The following PITPNM3 variants were observed in gnomAD, a reference collection of about 807,000 sequenced individuals.
The protein encoded by PITPNM3 is PITPNM family member 3, also known as membrane-associated phosphatidylinositol transfer protein 3.
Under a neutral mutation model 102.0 loss-of-function variants are expected in PITPNM3, and 26 were observed. That is an observed-to-expected ratio of 0.25 (90% CI 0.19 to 0.35). PITPNM3 has a LOEUF of 0.35. Among genes scored for constraint, PITPNM3 ranks in the 10% least tolerant of loss-of-function variants. The pLI is 1.00. For synonymous variants in PITPNM3, 578 were observed against 558.6 expected, an observed-to-expected ratio of 1.03 and a Z score of -0.49; for missense variants, 1,083 against 1,346.1, an observed-to-expected ratio of 0.80 and a Z score of 3.06.
At position 6,457,748 on chromosome 17, in the gene PITPNM3, G is replaced by A; in HGVS notation, c.2491-26C>T. ...CTGAAACACAGGGCAGGCATAGGGG[G>A]AGAGTGAGGCCAGCCCACCCCCTGG... On this transcript the variant is annotated intron_variant, in intron 18 of 19. Transcript: ENST00000262483. This position sits in a 1 kb window ranked among gnomAD's most constrained non-coding sequence, Gnocchi z 4.7. 6.4e-7 allele frequency: 1 copy of A among 1,564,666 alleles called. No homozygotes were observed. Among genetic ancestry groups the A allele is most frequent in the Non-Finnish European group, 8.7e-7 (1 of 1,154,262 alleles).
chr17:6,498,674 G>T (rs555624943), intron 4 of PITPNM3, among the ~76,000 whole-genome samples: 2 of 152,178 alleles, frequency 1.3e-5, no homozygotes, highest in Non-Finnish European at 2.9e-5. Flanking sequence ...TCATAGCACT[G>T]CTGGAGGTTG....
chr17:6,466,274 A>G (rs750975402), intron 14 of PITPNM3, among the ~76,000 whole-genome samples: 1 of 151,988 alleles, frequency 6.6e-6, no homozygotes, highest in Non-Finnish European at 1.5e-5. Context: ...CACTCCTCGG[A>G]CTCCTCAAAG....
intron 10 of PITPNM3, among the ~76,000 whole-genome samples, chr17:6,473,585 T>C (rs1269460493): frequency 6.6e-6 from 1 of 152,210 alleles, no homozygotes; most frequent in Admixed American, 6.5e-5. Context: ...TCTGTACTTC[T>C]GTCCTTAAGA....
chr17:6,457,581 C>G lies in PITPNM3; in HGVS notation c.2619+13G>C. 2 of 1,613,648 alleles carry G rather than the reference C, an allele frequency of 1.2e-6. No individual in the cohort carries two copies. The highest frequency in any genetic ancestry group is 1.7e-6 in the Non-Finnish European group (2 of 1,179,862). On this transcript the variant is annotated intron_variant, in intron 19 of 19. Transcript: ENST00000262483. The surrounding 1 kb of genome is among the most constrained non-coding windows in gnomAD (Gnocchi z 4.7). ...CCTCACAACTCCCCGCCTCCAGCCC[C>G]GCCTCCACCCACCTGGCACTGGGTT...
chr17:6,455,208 G>T lies in PITPNM3; in HGVS notation c.*130C>A, dbSNP rs1914032397. On this transcript the variant is annotated 3_prime_UTR_variant, in exon 20 of 20. Coordinates refer to ENST00000262483, the MANE Select transcript of PITPNM3 (RefSeq NM_031220.4). Reference sequence around the variant, plus strand: ...GCAGGATCCCTCCCCGCTCTGGTCGGACACTGCTGGACAGACACGGGAGGG... The same window carrying T: ...GCAGGATCCCTCCCCGCTCTGGTCGTACACTGCTGGACAGACACGGGAGGG... 1 of 1,230,758 alleles carries T rather than the reference G, an allele frequency of 8.1e-7. No homozygotes were observed. The highest frequency in any genetic ancestry group is 1.1e-6 in the Non-Finnish European group (1 of 915,820). The allele number at this position is 1,230,758 out of a possible 1,614,324, so 76.2% of individuals were successfully genotyped here.
Position 6,468,176 on chromosome 17 carries a change from C to T in PITPNM3, c.1890+49G>A. 6.3e-7 allele frequency: 1 copy of T among 1,580,586 alleles called. No individual in the cohort carries two copies. The stretch of plus-strand genomic sequence containing the variant: ...GCCCCAGCCCCCGGGCCAGCCCCAC[C>T]TCCCGGAGGACACAGTCCCAGCCAC... On this transcript the variant is annotated intron_variant, in intron 14 of 19. Coordinates refer to ENST00000262483, the MANE Select transcript of PITPNM3 (RefSeq NM_031220.4). The surrounding 1 kb of genome is among the most constrained non-coding windows in gnomAD (Gnocchi z 5.2).
intron 3 of PITPNM3, among the ~76,000 whole-genome samples, chr17:6,524,348 G>A (rs998158706): frequency 5.3e-5 from 8 of 152,186 alleles, no homozygotes; most frequent in Non-Finnish European, 1.2e-4. Context: ...GGGTGGGGAA[G>A]GAGGGATGGA....
At chr17:6,505,796 A>C (rs1217895840) in intron 3 of PITPNM3, among the ~76,000 whole-genome samples, 2 of 152,250 alleles carry the variant, frequency 1.3e-5, no homozygotes, top group Non-Finnish European at 2.9e-5. Context: ...TGAGGAAGTC[A>C]GAGTGAGTGA....
At chr17:6,518,872 G>A (rs190567742) in intron 3 of PITPNM3, among the ~76,000 whole-genome samples, 90 of 152,292 alleles carry the variant, frequency 5.9e-4, no homozygotes, top group African/African-American at 2.1e-3. Context: ...CCTAGGGCGA[G>A]GGCCATGTTT....
intron 9 of PITPNM3, 105 bp from the exon 10 acceptor site, chr17:6,474,709 A>C: frequency 7.4e-7 from 1 of 1,351,676 alleles, no homozygotes; most frequent in Non-Finnish European, 1.0e-6. Flanking sequence ...GAAGTGCCCA[A>C]CCCTCCATCT....
intron 2 of PITPNM3, among the ~76,000 whole-genome samples, chr17:6,529,290 AG>A (rs915627768): frequency 6.6e-6 from 1 of 152,130 alleles, no homozygotes; most frequent in African/African-American, 2.4e-5. Flanking sequence ...ACAGGACTCC[AG>A]AGTAAAGAAT....
intron 6 of PITPNM3, among the ~76,000 whole-genome samples, chr17:6,482,216 G>T (rs1001132304): frequency 1.8e-4 from 27 of 152,060 alleles, no homozygotes; most frequent in African/African-American, 6.5e-4. Flanking sequence ...ATGCTGCAGA[G>T]GCCAAGAAGA....
chr17:6,554,432 T>C (rs964839332), intron 1 of PITPNM3, among the ~76,000 whole-genome samples: 2 of 150,106 alleles, frequency 1.3e-5, no homozygotes, highest in Non-Finnish European at 3.0e-5. Context: ...GACTGCTGAG[T>C]GTGGGGGGCA....
chr17:6,479,764 A>G (rs1905550491), intron 6 of PITPNM3: 1 of 152,246 alleles, frequency 6.6e-6, no homozygotes, highest in Non-Finnish European at 1.5e-5. Context: ...TCTCCAAAGA[A>G]CACAAATTAG....
intron 11 of PITPNM3, among the ~76,000 whole-genome samples, chr17:6,471,602 G>A (rs1394838404): frequency 1.3e-5 from 2 of 152,192 alleles, no homozygotes; most frequent in African/African-American, 2.4e-5. Context: ...GAGTTATGCA[G>A]ACACAAGCTG....
At chr17:6,531,711 A>C (rs1909155536) in intron 2 of PITPNM3, among the ~76,000 whole-genome samples, 2 of 152,178 alleles carry the variant, frequency 1.3e-5, no homozygotes, top group Admixed American at 6.5e-5. Context: ...TACTGGGTCT[A>C]GTCTGCCCCC....
At chr17:6,477,265 C>CAAGGCCCCAGAGTCTCCCG in intron 8 of PITPNM3, 52 bp from the exon 9 acceptor site, 1 of 1,580,218 alleles carries the variant, frequency 6.3e-7, no homozygotes, top group Non-Finnish European at 8.7e-7. Flanking sequence ...TCACGGGAGA[C>CAAGGCCCCAGAGTCTCCCG]TCTGGGGCCT....
chr17:6,494,931 C>T (rs781773826), intron 4 of PITPNM3, among the ~76,000 whole-genome samples: 17 of 151,856 alleles, frequency 1.1e-4, no homozygotes, highest in Non-Finnish European at 1.8e-4. Context: ...ATTGCACATG[C>T]CCATTGCAAA....
intron 2 of PITPNM3, among the ~76,000 whole-genome samples, chr17:6,530,098 C>A (rs1909062857): frequency 1.3e-5 from 2 of 152,216 alleles, no homozygotes; most frequent in South Asian, 4.1e-4. Context: ...AGATGAGGAA[C>A]CTGAGGCTCA....
Sources: gnomAD v4.1 joint callset for allele counts (sites outside exome capture counted in the v4.1 genomes callset) on GRCh38, gnomAD v4.1.1 for gene constraint, Gnocchi (gnomAD v3.1) non-coding constraint, MANE v1.5 for transcripts, NCBI Gene and HGNC (gene_info 2026-07-23, HGNC 2026-07-21) for gene names.